The following RSPO4 variants were observed in gnomAD, a reference collection of about 807,000 sequenced individuals.
The protein encoded by RSPO4 is R-spondin 4.
In RSPO4, 23 loss-of-function variants were observed where a neutral mutation model predicts 24.8. That is an observed-to-expected ratio of 0.93 (90% CI 0.67 to 1.31). The LOEUF (loss-of-function observed/expected upper bound fraction) is 1.31. Among genes scored for constraint, RSPO4 ranks in the 40% most tolerant of loss-of-function variants. The pLI, the probability that RSPO4 is intolerant of heterozygous loss-of-function variation, is 0.00. For synonymous variants in RSPO4, 141 were observed against 127.4 expected (o/e 1.11, Z -0.72); for missense variants, 333 against 316.5 (o/e 1.05, Z -0.39).
At chr20:960,747 GTTCACCT>G (rs1216093015) in intron 4 of RSPO4, among the ~76,000 whole-genome samples, 1 of 152,244 alleles carries the variant, frequency 6.6e-6, no homozygotes, top group Non-Finnish European at 1.5e-5. Context: ...AGGCCTGCAG[GTTCACCT>G]GGGGCCCCCC....
chr20:969,303 A>G (rs976470984), intron 1 of RSPO4, among the ~76,000 whole-genome samples: 2 of 152,236 alleles, frequency 1.3e-5, no homozygotes, highest in Non-Finnish European at 2.9e-5. Context: ...GAGTGAAGCC[A>G]TGTTTCCAAT....
chr20:986,770 C>T (rs570074350), intron 1 of RSPO4, among the ~76,000 whole-genome samples: 6 of 152,046 alleles, frequency 3.9e-5, no homozygotes, highest in African/African-American at 7.2e-5. Context: ...TAATACACAA[C>T]GAGCTCCTAT....
chr20:974,628 C>G (rs555155151), intron 1 of RSPO4, among the ~76,000 whole-genome samples: 6 of 152,198 alleles, frequency 3.9e-5, no homozygotes, highest in Non-Finnish European at 8.8e-5. Context: ...CCCACAAGAG[C>G]TAGTCTTGGG....
In RSPO4 at chr20:966,423, C is replaced by T. The variant is rs148042428; in HGVS notation, c.409+751G>A. On this transcript the variant is annotated intron_variant, in intron 3 of 4. Coordinates refer to ENST00000217260, the MANE Select transcript of RSPO4 (RefSeq NM_001029871.4). ...ACTTTATCCTCATAACAATTCCTCC[C>T]CATGAGGTAGGCTCTATGTTCTATT... is the stretch of plus-strand genomic sequence containing the variant. 1.0e-3 allele frequency among the ~76,000 whole-genome samples: 153 copies of T among 152,144 alleles called. 1 individual carries two copies. In the East Asian group the frequency reaches 0.02, roughly 20 times the overall value.
chr20:962,751 G>C (rs7273214), intron 4 of RSPO4, among the ~76,000 whole-genome samples: 8,112 of 152,220 alleles, frequency 0.053, 732 homozygotes, highest in African/African-American at 0.18. Context: ...TGGGTGCCCC[G>C]GGTGGCCTGG....
At chr20:977,653 C>G (rs1454000042) in intron 1 of RSPO4, among the ~76,000 whole-genome samples, 2 of 152,154 alleles carry the variant, frequency 1.3e-5, no homozygotes, top group Non-Finnish European at 2.9e-5. Context: ...GGGGTGTGCC[C>G]TGGGAAGTGT....
chr20:967,434 C>T (rs978732948), intron 2 of RSPO4, 120 bp from the exon 3 acceptor site: 3 of 1,029,690 alleles, frequency 2.9e-6, no homozygotes, highest in Admixed American at 1.8e-5. Context: ...TGGGTCAGGA[C>T]TCAGTGTCTC....
intron 1 of RSPO4, among the ~76,000 whole-genome samples, chr20:977,771 C>T (rs913618182): frequency 6.6e-6 from 1 of 150,404 alleles, no homozygotes; most frequent in East Asian, 1.9e-4. Context: ...GACACCACTG[C>T]CCCTGCTGAG....
chr20:987,983 G>A (rs1264078996), intron 1 of RSPO4, among the ~76,000 whole-genome samples: 1 of 152,238 alleles, frequency 6.6e-6, no homozygotes, highest in East Asian at 1.9e-4. Context: ...TTCAGAGAAC[G>A]ACAGGGAATT....
chr20:980,926 A>G (rs1445664508), intron 1 of RSPO4, among the ~76,000 whole-genome samples: 1 of 152,210 alleles, frequency 6.6e-6, no homozygotes, highest in Admixed American at 6.5e-5. Context: ...AAACTGTAAT[A>G]TGCACACAAA....
In RSPO4 at chr20:970,659, T is replaced by C. The variant is rs1984377816; in HGVS notation, c.80-2521A>G. The stretch of plus-strand genomic sequence containing the variant: ...GAAATAAGAACATCCACTGAGAATT[T>C]AGCAGAGTCCGGACTTCTCACTCAG... On this transcript the variant is annotated intron_variant, in intron 1 of 4. Transcript: ENST00000217260. The surrounding 1 kb of genome is among the most constrained non-coding windows in gnomAD (Gnocchi z 4.1). 6.6e-6 allele frequency among the ~76,000 whole-genome samples: 1 copy of C among 152,110 alleles called. No individual in the cohort carries two copies. Among genetic ancestry groups the C allele is most frequent in the African/African-American group, 2.4e-5 (1 of 41,412 alleles).
chr20:988,318 G>A (rs1383231597), intron 1 of RSPO4, among the ~76,000 whole-genome samples: 1 of 152,202 alleles, frequency 6.6e-6, no homozygotes, highest in Non-Finnish European at 1.5e-5. Context: ...AAGCTTCTCT[G>A]GTGCTGAGGG....
intron 1 of RSPO4, among the ~76,000 whole-genome samples, chr20:995,739 G>A (rs995357402): frequency 6.6e-6 from 1 of 152,104 alleles, no homozygotes; most frequent in Non-Finnish European, 1.5e-5. Context: ...AGATCCTCCT[G>A]GAATCTGCCC....
intron 1 of RSPO4, among the ~76,000 whole-genome samples, chr20:995,840 T>C (rs988205243): frequency 6.6e-6 from 1 of 152,202 alleles, no homozygotes; most frequent in African/African-American, 2.4e-5. Context: ...GCCTCCACAC[T>C]ATTTTGACAA....
At chr20:964,753 CACATATATAT>C (rs1221758075) in intron 3 of RSPO4, among the ~76,000 whole-genome samples, 4 of 134,556 alleles carry the variant, frequency 3.0e-5, no homozygotes, top group Admixed American at 2.2e-4. Flanking sequence ...CATATATATA[CACATATATAT>C]ACACACACAC....
At chr20:995,523 C>T (rs1018159849) in intron 1 of RSPO4, among the ~76,000 whole-genome samples, 1 of 151,652 alleles carries the variant, frequency 6.6e-6, no homozygotes, top group Non-Finnish European at 1.5e-5. Context: ...ATTTAGGGCC[C>T]CGACACATCA....
chr20:960,722 A>G (rs1231746282), intron 4 of RSPO4, among the ~76,000 whole-genome samples: 1 of 152,174 alleles, frequency 6.6e-6, no homozygotes, highest in East Asian at 1.9e-4. Context: ...CTTGTGCTGG[A>G]CATCTGGCTC....
chr20:962,870 A>G (rs1327659908), intron 4 of RSPO4, among the ~76,000 whole-genome samples: 1 of 152,166 alleles, frequency 6.6e-6, no homozygotes, highest in African/African-American at 2.4e-5. Context: ...TAGGTGAGTG[A>G]CTCAACCTTT....
intron 1 of RSPO4, among the ~76,000 whole-genome samples, chr20:978,341 CA>C (rs1250274764): frequency 6.6e-6 from 1 of 152,220 alleles, no homozygotes; most frequent in Non-Finnish European, 1.5e-5. Context: ...CTCATCTGCG[CA>C]AAGTGCTTAG....
Sources: gnomAD v4.1 joint callset for allele counts (sites outside exome capture counted in the v4.1 genomes callset) on GRCh38, gnomAD v4.1.1 for gene constraint, Gnocchi (gnomAD v3.1) non-coding constraint, MANE v1.5 for transcripts, NCBI Gene and HGNC (gene_info 2026-07-23, HGNC 2026-07-21) for gene names.